LTBP1: variants seen among roughly 807,000 people sequenced by gnomAD.
The protein encoded by LTBP1 is latent transforming growth factor beta binding protein 1.
A neutral mutation model predicts 207.6 loss-of-function variants in LTBP1; 129 were observed. That is an observed-to-expected ratio of 0.62 (90% CI 0.54 to 0.72). The LOEUF is 0.72. LTBP1 is among the 30% of genes least tolerant of loss of function. The probability of loss-of-function intolerance (pLI) is 0.00; values close to 1 mark genes in which losing one functional copy is unlikely to be tolerated. For missense variants in LTBP1, 2,281 were observed against 2,217.2 expected, an observed-to-expected ratio of 1.03 and a Z score of -0.58; for synonymous variants, 963 against 833.7, an observed-to-expected ratio of 1.16 and a Z score of -2.67.
chr2:33,315,080 T>G, intron 23 of LTBP1, 64 bp from the exon 24 acceptor site: 8 of 1,308,308 alleles, frequency 6.1e-6, no homozygotes, highest in Non-Finnish European at 8.5e-6. Flanking sequence ...TGCCATCTGT[T>G]TGATAGTATA....
chr2:33,390,159 T>G (rs897490879), intron 32 of LTBP1, among the ~76,000 whole-genome samples: 1 of 152,092 alleles, frequency 6.6e-6, no homozygotes, highest in Non-Finnish European at 1.5e-5. Flanking sequence ...TTAAAATACA[T>G]TGGTGAGGGG....
At chr2:33,129,418 C>A (rs2081625822) in intron 4 of LTBP1, among the ~76,000 whole-genome samples, 1 of 152,140 alleles carries the variant, frequency 6.6e-6, no homozygotes, top group African/African-American at 2.4e-5. Flanking sequence ...GACCCAGAAC[C>A]ACACCAGACT....
intron 31 of LTBP1, among the ~76,000 whole-genome samples, chr2:33,380,139 C>A (rs2095195086): frequency 6.6e-6 from 1 of 152,150 alleles, no homozygotes; most frequent in South Asian, 2.1e-4. Flanking sequence ...TGTTAAATTA[C>A]ATGTTTGTCA....
chr2:33,149,058 A>G (rs2150945036), intron 5 of LTBP1, among the ~76,000 whole-genome samples: 1 of 152,004 alleles, frequency 6.6e-6, no homozygotes, highest in African/African-American at 2.4e-5. Context: ...ACTAAAATAT[A>G]GAAAAAATTA....
intron 32 of LTBP1, among the ~76,000 whole-genome samples, chr2:33,391,930 A>G (rs1263318803): frequency 6.6e-6 from 1 of 152,194 alleles, no homozygotes; most frequent in Non-Finnish European, 1.5e-5. Context: ...TGGCCTTTAC[A>G]TTTCTTACAA....
chr2:33,088,723 G>C (rs2078901894), intron 3 of LTBP1, among the ~76,000 whole-genome samples: 1 of 152,192 alleles, frequency 6.6e-6, no homozygotes, highest in South Asian at 2.1e-4. Context: ...AGCAAGAAAT[G>C]AATGTAGATC....
intron 7 of LTBP1, among the ~76,000 whole-genome samples, chr2:33,199,045 A>C (rs2088899515): frequency 1.3e-5 from 2 of 151,876 alleles, no homozygotes; most frequent in South Asian, 4.2e-4. Flanking sequence ...TAGTGCTATA[A>C]ATTTCCCTCT....
rs1558681911 is a variant in LTBP1, at chr2:33,134,537, A to C, written c.1034-256A>C. The stretch of plus-strand genomic sequence containing the variant: ...AATCCCACTCCAGTGACTCGACTTC[A>C]AATGTGGTTTTGGAGTGCATCCCAG... On this transcript the variant is annotated intron_variant, in intron 4 of 33. Coordinates refer to ENST00000404816, the MANE Select transcript of LTBP1 (RefSeq NM_206943.4). The surrounding 1 kb of genome is among the most constrained non-coding windows in gnomAD (Gnocchi z 4.4). The C allele has an allele frequency of 6.6e-7, 1 of 1,513,366 alleles. No individual in the cohort carries two copies. The highest frequency in any genetic ancestry group is 2.0e-5 in the Admixed American group (1 of 49,818). 93.7% of individuals were successfully genotyped at this position (1,513,366 alleles called of 1,614,324 possible).
At chr2:33,141,889 A>G (rs2082668989) in intron 5 of LTBP1, among the ~76,000 whole-genome samples, 1 of 152,206 alleles carries the variant, frequency 6.6e-6, no homozygotes, top group Non-Finnish European at 1.5e-5. Context: ...TAATATCTGC[A>G]GATAAAGAGC....
At chr2:32,961,523 C>T (rs1679106805) in intron 2 of LTBP1, among the ~76,000 whole-genome samples, 1 of 151,672 alleles carries the variant, frequency 6.6e-6, no homozygotes, top group Non-Finnish European at 1.5e-5. Flanking sequence ...ATTTTTGGAA[C>T]ATTTGTATGC....
In LTBP1 at chr2:33,187,055, C is replaced by T. The variant is rs369080561; in HGVS notation, c.1401C>T (p.Thr467=). ...ATTCAACACATACCTTGCCTCTGAC[C>T]GTGACTAGCCAGCAAGGAGTCAAAG... ...VIHSTHTLPL[T]VTSQQGVKVK... is the part of the protein sequence containing the mutation. Residue 467 remains threonine, a synonymous_variant, in exon 6 of 34, where the codon ACC becomes ACT. Transcript: ENST00000404816. 31 of 1,613,996 alleles carry T rather than the reference C, an allele frequency of 1.9e-5. No individual in the cohort carries two copies. The highest frequency in any genetic ancestry group is 2.7e-5 in the African/African-American group (2 of 74,918).
intron 17 of LTBP1, 114 bp from the exon 18 acceptor site, chr2:33,275,684 CAAA>C: frequency 3.7e-6 from 4 of 1,071,186 alleles, no homozygotes; most frequent in Non-Finnish European, 2.6e-6. Flanking sequence ...AACTCCATCT[CAAA>C]AAAAAAAAGA....
At chr2:33,254,412 C>G (rs1170598299) in intron 11 of LTBP1, among the ~76,000 whole-genome samples, 1 of 151,942 alleles carries the variant, frequency 6.6e-6, no homozygotes, top group Non-Finnish European at 1.5e-5. Context: ...GAGATGGTGA[C>G]TGGAACTCAG....
In LTBP1 at chr2:33,188,768, C is replaced by A; in HGVS notation, c.1618C>A (p.His540Asn). ...KTQTIHSTYS[H>N]QQVIPHVYPV... ...CCAGACCATACATTCCACATACTCC[C>A]ACCAGCAGGTCATTCCTCACGTCTA... is the stretch of plus-strand genomic sequence containing the variant. Residue 540 changes from histidine (H) to asparagine (N), a missense_variant, in exon 7 of 34, where the codon CAC becomes AAC. By Grantham distance (68) the His-to-Asn change is moderately conservative. Transcript: ENST00000404816. 1 of 1,614,174 alleles carries A rather than the reference C, an allele frequency of 6.2e-7. No homozygotes were observed. Among genetic ancestry groups the A allele is most frequent in the Non-Finnish European group, 8.5e-7 (1 of 1,180,032 alleles).
intron 3 of LTBP1, among the ~76,000 whole-genome samples, chr2:33,051,441 A>G (rs535452214): frequency 6.6e-6 from 1 of 152,256 alleles, no homozygotes; most frequent in African/African-American, 2.4e-5. Context: ...AAACACACAC[A>G]CACACAAAAC....
chr2:33,151,255 G>A (rs2150992145), intron 5 of LTBP1, among the ~76,000 whole-genome samples: 1 of 152,124 alleles, frequency 6.6e-6, no homozygotes, highest in East Asian at 1.9e-4. Context: ...GAATTTTTTG[G>A]TGCATATACC....
At chr2:33,298,093 AAAAG>A (rs2093915963) in intron 20 of LTBP1, among the ~76,000 whole-genome samples, 1 of 152,236 alleles carries the variant, frequency 6.6e-6, no homozygotes, top group Non-Finnish European at 1.5e-5. Flanking sequence ...TTCTTGGCAC[AAAAG>A]AAAGAAGACA....
Position 33,179,260 on chromosome 2 carries a change from GTTC to G in LTBP1, c.1202-7589_1202-7587del, listed in dbSNP as rs1341461737. Among the ~76,000 whole-genome samples the G allele has an allele frequency of 7.2e-5, 11 of 152,120 alleles. 1 individual carries two copies. Among genetic ancestry groups the G allele is most frequent in the South Asian group, 4.1e-4 (2 of 4,830 alleles). ...TGTATTTAATGTGTGACTCATGACA[GTTC>G]TTCTTCCAGTGTAGCTCAGGGAAGC... On this transcript the variant is annotated intron_variant, in intron 5 of 33. Transcript: ENST00000404816.
chr2:32,992,285 A>G (rs1383411401), intron 2 of LTBP1, among the ~76,000 whole-genome samples: 7 of 152,172 alleles, frequency 4.6e-5, no homozygotes, highest in Non-Finnish European at 8.8e-5. Context: ...TCAAAGGAGA[A>G]AGAGTGATAT....
Sources: allele counts gnomAD v4.1 joint callset (sites outside exome capture counted in the v4.1 genomes callset), GRCh38; gene constraint gnomAD v4.1.1; non-coding constraint Gnocchi (gnomAD v3.1); transcripts MANE v1.5; gene names NCBI Gene and HGNC (gene_info 2026-07-23, HGNC 2026-07-21).